The following OXR1 variants were observed in gnomAD, a reference collection of about 807,000 sequenced individuals.
OXR1 encodes the protein oxidation resistance protein 1.
OXR1 carries 41 observed loss-of-function variants against 104.6 expected under a neutral mutation model. That is an observed-to-expected ratio of 0.39 (90% CI 0.31 to 0.51). The LOEUF is 0.51. Ranked by LOEUF, OXR1 falls within the 20% of genes least tolerant of loss-of-function variation. OXR1 has a pLI of 0.77. For missense variants in OXR1, 955 were observed against 1,031.9 expected, an observed-to-expected ratio of 0.93 and a Z score of 1.02; for synonymous variants, 348 against 348.4, an observed-to-expected ratio of 1.00 and a Z score of 0.01.
chr8:106,305,499 C>T (rs1813430028), intron 1 of OXR1, among the ~76,000 whole-genome samples: 1 of 152,112 alleles, frequency 6.6e-6, no homozygotes, highest in Non-Finnish European at 1.5e-5. Flanking sequence ...TATCTCACTA[C>T]AATAAAAATG....
At chr8:106,705,848 T>C (rs1380343975) in intron 8 of OXR1, among the ~76,000 whole-genome samples, 2 of 152,158 alleles carry the variant, frequency 1.3e-5, no homozygotes, top group Non-Finnish European at 2.9e-5. Context: ...TATATACTTT[T>C]GCTTGAGTTT....
At chr8:106,574,940 C>A (rs537398981) in intron 3 of OXR1, among the ~76,000 whole-genome samples, 5 of 152,048 alleles carry the variant, frequency 3.3e-5, no homozygotes, top group Non-Finnish European at 7.4e-5. Flanking sequence ...CCAGAGATAA[C>A]CATTAAGTTA....
At chr8:106,333,128 A>G (rs1255844521) in intron 1 of OXR1, among the ~76,000 whole-genome samples, 1 of 152,134 alleles carries the variant, frequency 6.6e-6, no homozygotes, top group Non-Finnish European at 1.5e-5. Context: ...TTGTGTGAAC[A>G]TATATTTTTA....
chr8:106,666,579 A>G (rs1031423344), intron 3 of OXR1, among the ~76,000 whole-genome samples: 1 of 152,224 alleles, frequency 6.6e-6, no homozygotes, highest in South Asian at 2.1e-4. Flanking sequence ...CTCCAAATAC[A>G]AAATGGGCAA....
chr8:106,751,136 A>T lies in OXR1; in HGVS notation c.*195A>T. On this transcript the variant is annotated 3_prime_UTR_variant, in exon 17 of 17. Transcript: ENST00000517566. ...TCTTGTCCCAGAGTTCTTTAGGTTA[A>T]CACTAGGGACTGCGTCCATGTACTA... 2.2e-6 allele frequency: 1 copy of T among 448,202 alleles called. No individual in the cohort carries two copies. Among genetic ancestry groups the T allele is most frequent in the Non-Finnish European group, 3.9e-6 (1 of 257,100 alleles). 27.8% of individuals were successfully genotyped at this position (448,202 alleles called of 1,614,324 possible). A position where few individuals can be genotyped will look rare whatever the true frequency, so the allele number is the denominator to read the frequency against.
chr8:106,487,992 C>T (rs1165419198), intron 2 of OXR1, among the ~76,000 whole-genome samples: 7 of 148,320 alleles, frequency 4.7e-5, no homozygotes, highest in Non-Finnish European at 9.0e-5. Flanking sequence ...CCTGAGGAAT[C>T]GCCACACTGA....
intron 9 of OXR1, chr8:106,707,488 G>T (rs1358696216): frequency 2.3e-6 from 1 of 439,522 alleles, no homozygotes; most frequent in Non-Finnish European, 3.9e-6. Context: ...AGTTTTTGGT[G>T]TGTTACCATT....
chr8:106,402,100 A>G (rs1283479854), intron 2 of OXR1, among the ~76,000 whole-genome samples: 2 of 152,308 alleles, frequency 1.3e-5, no homozygotes, highest in African/African-American at 4.8e-5. Context: ...AATTTCCTCA[A>G]GCAACAAAAT....
At chr8:106,645,514 C>G (rs992713356) in intron 3 of OXR1, among the ~76,000 whole-genome samples, 1 of 152,150 alleles carries the variant, frequency 6.6e-6, no homozygotes, top group Non-Finnish European at 1.5e-5. Flanking sequence ...GTCTACTGTT[C>G]TCTAGGAAGA....
intron 2 of OXR1, among the ~76,000 whole-genome samples, chr8:106,408,771 G>A (rs1248519084): frequency 6.6e-6 from 1 of 152,150 alleles, no homozygotes; most frequent in African/African-American, 2.4e-5. Flanking sequence ...CCAGACACAG[G>A]TATGCAGTGT....
chr8:106,591,729 TC>T (rs1819109237), intron 3 of OXR1, among the ~76,000 whole-genome samples: 1 of 152,188 alleles, frequency 6.6e-6, no homozygotes, highest in East Asian at 1.9e-4. Flanking sequence ...CATGACTGTT[TC>T]CCAGTTGGAT....
At chr8:106,461,212 AGAG>A (rs1820895098) in intron 2 of OXR1, among the ~76,000 whole-genome samples, 1 of 152,148 alleles carries the variant, frequency 6.6e-6, no homozygotes, top group African/African-American at 2.4e-5. Flanking sequence ...GGCTAGAGTA[AGAG>A]TAGTCTCCCC....
intron 11 of OXR1, among the ~76,000 whole-genome samples, chr8:106,719,120 T>C (rs1201339135): frequency 6.6e-6 from 1 of 152,212 alleles, no homozygotes; most frequent in Non-Finnish European, 1.5e-5. Flanking sequence ...AGTCAATAAG[T>C]ATATCCAGTG....
At chr8:106,489,802 G>A (rs1005843545) in intron 2 of OXR1, among the ~76,000 whole-genome samples, 1 of 152,058 alleles carries the variant, frequency 6.6e-6, no homozygotes, top group South Asian at 2.1e-4. Flanking sequence ...GGGATTCTTA[G>A]TCCTTTTATG....
chr8:106,362,205 C>T (rs1381089170), intron 2 of OXR1, among the ~76,000 whole-genome samples: 3 of 152,164 alleles, frequency 2.0e-5, no homozygotes, highest in African/African-American at 7.2e-5. Flanking sequence ...CACTGAGCTT[C>T]TAGTCAAAAC....
chr8:106,505,848 G>A (rs1812124714), intron 2 of OXR1, among the ~76,000 whole-genome samples: 1 of 152,190 alleles, frequency 6.6e-6, no homozygotes, highest in Non-Finnish European at 1.5e-5. Flanking sequence ...AACCACAGTG[G>A]AAAGCCATTC....
intron 1 of OXR1, among the ~76,000 whole-genome samples, chr8:106,294,054 A>T (rs1812873937): frequency 7.5e-6 from 1 of 133,130 alleles, no homozygotes; most frequent in Non-Finnish European, 1.5e-5. Flanking sequence ...CTTTGTGTTT[A>T]TGAAGTAGGG....
chr8:106,689,924 G>T (rs972221958), intron 6 of OXR1, among the ~76,000 whole-genome samples: 1 of 151,604 alleles, frequency 6.6e-6, no homozygotes, highest in East Asian at 1.9e-4. Flanking sequence ...GTTAAATATC[G>T]CCTGTGCTTC....
chr8:106,354,883 AT>A (rs557406393), intron 1 of OXR1, among the ~76,000 whole-genome samples: 1 of 151,912 alleles, frequency 6.6e-6, no homozygotes, highest in Non-Finnish European at 1.5e-5. Context: ...AGAATATAGT[AT>A]TTTTTTTCAG....
Sources: allele counts gnomAD v4.1 joint callset (sites outside exome capture counted in the v4.1 genomes callset), GRCh38; gene constraint gnomAD v4.1.1; transcripts MANE v1.5; gene names NCBI Gene and HGNC (gene_info 2026-07-23, HGNC 2026-07-21).